POU2F2: variants seen among roughly 807,000 people sequenced by gnomAD.
POU2F2 encodes the protein POU class 2 homeobox 2.
A neutral mutation model predicts 63.5 loss-of-function variants in POU2F2; 14 were observed. That is an observed-to-expected ratio of 0.22 (90% CI 0.15 to 0.34). The LOEUF (loss-of-function observed/expected upper bound fraction) is 0.34, where lower values mean the gene tolerates loss of function less well. POU2F2 is among the 10% of genes least tolerant of loss of function. The probability of loss-of-function intolerance (pLI) is 1.00; values close to 1 mark genes in which losing one functional copy is unlikely to be tolerated. For synonymous variants in POU2F2, 306 were observed against 348.6 expected, an observed-to-expected ratio of 0.88 and a Z score of 1.36; for missense variants, 607 against 815.2, an observed-to-expected ratio of 0.74 and a Z score of 3.11.
intron 5 of POU2F2, chr19:42,116,650 C>G: frequency 3.5e-6 from 1 of 287,074 alleles, no homozygotes; most frequent in Non-Finnish European, 6.9e-6. Context: ...TTCCCACACA[C>G]TCACTGTTTC....
intron 2 of POU2F2, among the ~76,000 whole-genome samples, chr19:42,143,043 G>A (rs972377096): frequency 3.9e-5 from 6 of 152,194 alleles, no homozygotes; most frequent in Admixed American, 1.3e-4. Context: ...CACCCAAGTG[G>A]TGAATGCACA....
At chr19:42,118,091 T>C (rs1473085038) in intron 4 of POU2F2, among the ~76,000 whole-genome samples, 1 of 152,092 alleles carries the variant, frequency 6.6e-6, no homozygotes, top group Non-Finnish European at 1.5e-5. Flanking sequence ...ACCTGGCTAA[T>C]TTTTAAATTT....
Position 42,091,001 on chromosome 19 carries a change from T to C in POU2F2, c.*256A>G, listed in dbSNP as rs1418434777. 1 of 337,664 alleles carries C rather than the reference T, an allele frequency of 3.0e-6. No individual in the cohort carries two copies. Among genetic ancestry groups the C allele is most frequent in the Non-Finnish European group, 5.3e-6 (1 of 188,456 alleles). 20.9% of individuals were successfully genotyped at this position (337,664 alleles called of 1,614,324 possible). Reference sequence around the variant, plus strand: ...TTTTTTTTTGGTTTGTTTTTGGTTTTTTTTTGTTTGTTTTTCACCTCTGGT... The same window carrying C: ...TTTTTTTTTGGTTTGTTTTTGGTTTCTTTTTGTTTGTTTTTCACCTCTGGT... On this transcript the variant is annotated 3_prime_UTR_variant, in exon 15 of 15. Transcript: ENST00000692977.
intron 1 of POU2F2, among the ~76,000 whole-genome samples, chr19:42,166,502 A>T (rs952058664): frequency 5.6e-4 from 85 of 152,170 alleles, no homozygotes; most frequent in African/African-American, 2.0e-3. Flanking sequence ...TCGAGGCTTA[A>T]AAGGAGTGAT....
chr19:42,191,636 CAAGG>C (rs1282746655), intron 1 of POU2F2, among the ~76,000 whole-genome samples: 1 of 152,074 alleles, frequency 6.6e-6, no homozygotes, highest in African/African-American at 2.4e-5. Flanking sequence ...TCTGGCTGGG[CAAGG>C]AAGGGAGAGA....
Position 42,117,371 on chromosome 19 carries a change from G to T in POU2F2, c.248C>A (p.Pro83His), listed in dbSNP as rs375033912. Residue 83 changes from proline (P) to histidine (H), a missense_variant, in exon 5 of 15, where the codon CCC becomes CAC. Pro to His is a moderately conservative substitution (Grantham distance 77, BLOSUM62 -2). Around this residue, in one of 7 missense-constraint regions of POU2F2, gnomAD observed 224 missense variants for 264.3 expected, o/e 0.85. Transcript: ENST00000692977. This position sits in a 1 kb window ranked among gnomAD's most constrained non-coding sequence, Gnocchi z 4.4. ...ACTGGGGTCTTCAGCCTTGATCTGGGGGGGAGAGAGGCAGGGTCCGGGACC... is the reference window on the plus strand; with the variant it reads ...ACTGGGGTCTTCAGCCTTGATCTGGTGGGGAGAGAGGCAGGGTCCGGGACC... ...FWGPGPCLSP[P>H]QIKAEDPSGD... The T allele has an allele frequency of 3.9e-6, 6 of 1,525,022 alleles. No individual in the cohort carries two copies. The highest frequency in any genetic ancestry group is 1.5e-5 in the African/African-American group (1 of 68,746). The allele number at this position is 1,525,022 out of a possible 1,614,324, so 94.5% of individuals were successfully genotyped here. A position where few individuals can be genotyped will look rare whatever the true frequency, so the allele number is the denominator to read the frequency against.
At chr19:42,179,037 G>A (rs1171204623), upstream of POU2F2, among the ~76,000 whole-genome samples, 2 of 152,040 alleles carry the variant, frequency 1.3e-5, no homozygotes, top group African/African-American at 2.4e-5. Context: ...GCGAGACAGA[G>A]ACAAGAAGAG....
At chr19:42,115,423 T>G (rs1210755630) in intron 5 of POU2F2, among the ~76,000 whole-genome samples, 1 of 151,446 alleles carries the variant, frequency 6.6e-6, no homozygotes, top group African/African-American at 2.4e-5. Context: ...TTGGACGGAG[T>G]GAGAGAAAAG....
In POU2F2 at chr19:42,142,285, G is replaced by T. The variant is rs990786474; in HGVS notation, c.-9+18047C>A. ...GGCTCACTGCAACCTCTGCCTCCCG[G>T]GTTCAAGGGATTCTCCTGCCTCAGC... On this transcript the variant is annotated intron_variant, in intron 2 of 6. Transcript: ENST00000524801. Among the ~76,000 whole-genome samples the T allele has an allele frequency of 2.1e-4, 32 of 151,790 alleles. 1 individual carries two copies. Among genetic ancestry groups the T allele is most frequent in the African/African-American group, 7.5e-4 (31 of 41,274 alleles).
At chr19:42,171,674 C>A (rs536139483) in intron 1 of POU2F2, among the ~76,000 whole-genome samples, 17 of 152,168 alleles carry the variant, frequency 1.1e-4, no homozygotes, top group African/African-American at 4.1e-4. Flanking sequence ...GGCCTCACTG[C>A]GGCGGATTAA....
chr19:42,093,943 C>T (rs759989900), intron 11 of POU2F2, 48 bp from the exon 12 acceptor site: 4 of 1,539,560 alleles, frequency 2.6e-6, no homozygotes, highest in East Asian at 4.6e-5. Context: ...CTGCCAGCAG[C>T]CCCCGTGATG....
At chr19:42,163,628 C>T (rs943144221) in intron 1 of POU2F2, among the ~76,000 whole-genome samples, 1 of 152,122 alleles carries the variant, frequency 6.6e-6, no homozygotes, top group Non-Finnish European at 1.5e-5. Context: ...TCCCTCAGTC[C>T]CTCCCTGAGG....
upstream of POU2F2, chr19:42,177,054 G>A (rs1388533263): frequency 2.0e-5 from 3 of 151,788 alleles, no homozygotes; most frequent in Non-Finnish European, 4.4e-5. Flanking sequence ...GGGAGAGGGA[G>A]GAAGGGAGGG....
chr19:42,126,581 T>C (rs1457339442), intron 1 of POU2F2, among the ~76,000 whole-genome samples: 1 of 152,052 alleles, frequency 6.6e-6, no homozygotes, highest in African/African-American at 2.4e-5. Context: ...CCTGCTGACA[T>C]CCTCGTCTTT....
intron 1 of POU2F2, among the ~76,000 whole-genome samples, chr19:42,161,777 C>A (rs2034556028): frequency 6.6e-6 from 1 of 152,130 alleles, no homozygotes; most frequent in Admixed American, 6.5e-5. Flanking sequence ...GGACCAGAAC[C>A]CCTGGTCCCT....
chr19:42,109,195 G>A (rs1030507634), intron 5 of POU2F2, among the ~76,000 whole-genome samples: 10 of 152,204 alleles, frequency 6.6e-5, no homozygotes, highest in East Asian at 1.9e-4. Context: ...CCCCAGAGCC[G>A]GCCGGCTGCA....
chr19:42,086,840 C>G lies in POU2F2; in HGVS notation c.*4417G>C, dbSNP rs1248485215. The G allele has an allele frequency of 6.6e-6, 1 of 152,168 alleles. No homozygotes were observed. The highest frequency in any genetic ancestry group is 1.5e-5 in the Non-Finnish European group (1 of 68,054). The allele number at this position is 152,168 out of a possible 1,614,324, so 9.4% of individuals were successfully genotyped here. A position where few individuals can be genotyped will look rare whatever the true frequency, so the allele number is the denominator to read the frequency against. On this transcript the variant is annotated 3_prime_UTR_variant, in exon 15 of 15. Transcript: ENST00000692977. ...GGGGAGGGAGGCAGAAGGGAGGGGT[C>G]ACAGACATAGTAAATAGTTGTCTCC...
chr19:42,146,045 A>G (rs1015464522), intron 2 of POU2F2, among the ~76,000 whole-genome samples: 10 of 151,044 alleles, frequency 6.6e-5, no homozygotes, highest in East Asian at 5.8e-4. Context: ...AAAAAAAAAA[A>G]AAAAAAAGAA....
At chr19:42,106,362 C>T (rs900085628) in intron 5 of POU2F2, among the ~76,000 whole-genome samples, 1 of 152,138 alleles carries the variant, frequency 6.6e-6, no homozygotes, top group Non-Finnish European at 1.5e-5. Context: ...CCACCCACCT[C>T]GTCCTCTCAA....
Sources: gnomAD v4.1 joint callset for allele counts (sites outside exome capture counted in the v4.1 genomes callset) on GRCh38, gnomAD v4.1.1 for gene constraint, gnomAD v4.1.1 regional missense constraint, Gnocchi (gnomAD v3.1) non-coding constraint, MANE v1.5 for transcripts, NCBI Gene and HGNC (gene_info 2026-07-23, HGNC 2026-07-21) for gene names.